DCAF13: variants seen among roughly 807,000 people sequenced by gnomAD.
DCAF13 encodes DDB1- and CUL4-associated factor 13.
Under a neutral mutation model 59.0 loss-of-function variants are expected in DCAF13, and 38 were observed. That is an observed-to-expected ratio of 0.64 (90% CI 0.50 to 0.84). DCAF13 has a LOEUF of 0.84. DCAF13 is among the 40% of genes least tolerant of loss of function. The pLI is 0.00. For synonymous variants in DCAF13, 173 were observed against 175.0 expected (o/e 0.99, Z 0.09); for missense variants, 469 against 558.4 (o/e 0.84, Z 1.61).
chr8:103,424,292 G>T (rs1345906310), intron 3 of DCAF13, among the ~76,000 whole-genome samples: 1 of 152,224 alleles, frequency 6.6e-6, no homozygotes, highest in Non-Finnish European at 1.5e-5. Flanking sequence ...CTCTGAAAGT[G>T]CTGGGATTAC....
chr8:103,426,755 C>T (rs1275383882), intron 4 of DCAF13, among the ~76,000 whole-genome samples: 4 of 151,838 alleles, frequency 2.6e-5, no homozygotes, highest in East Asian at 1.9e-4. Context: ...ATCACTTTGT[C>T]GTTTCAATAT....
rs947088825 is a variant in DCAF13 at position 103,427,431 on chromosome 8, A to C, written c.624+179A>C. ...TTGCTCAAATCCCAACATGTTTCCC[A>C]GCAGTTTAGTCCCAGATACTAGAGT... On this transcript the variant is annotated intron_variant, in intron 5 of 10. Coordinates refer to ENST00000612750, the MANE Select transcript of DCAF13 (RefSeq NM_015420.7). 4.5e-5 allele frequency: 28 copies of C among 618,938 alleles called. No individual in the cohort carries two copies. In the African/African-American group the frequency reaches 5.0e-4, roughly 11 times the overall value. 38.3% of individuals were successfully genotyped at this position (618,938 alleles called of 1,614,324 possible).
At chr8:103,423,371 A>G (rs997811199) in intron 3 of DCAF13, among the ~76,000 whole-genome samples, 3 of 152,212 alleles carry the variant, frequency 2.0e-5, no homozygotes, top group African/African-American at 7.2e-5. Context: ...AATACTATTC[A>G]GCCTTCAGAA....
At chr8:103,440,356 A>G in intron 9 of DCAF13, 85 bp downstream of exon 9, 1 of 1,237,382 alleles carries the variant, frequency 8.1e-7, no homozygotes, top group Admixed American at 2.7e-5. Context: ...ACTTTTAGGT[A>G]TTTTTGGGTA....
chr8:103,417,594 A>G (rs933925664), intron 1 of DCAF13, among the ~76,000 whole-genome samples: 1 of 147,028 alleles, frequency 6.8e-6, no homozygotes, highest in Non-Finnish European at 1.5e-5. Context: ...GTGAGCCGAG[A>G]TTGCGTCACT....
intron 6 of DCAF13, among the ~76,000 whole-genome samples, chr8:103,432,253 C>T (rs556239307): frequency 6.6e-6 from 1 of 152,260 alleles, no homozygotes; most frequent in African/African-American, 2.4e-5. Context: ...ACAGTGTTCC[C>T]ATTGAGAAAC....
intron 7 of DCAF13, among the ~76,000 whole-genome samples, chr8:103,435,279 A>G (rs139057671): frequency 6.6e-6 from 1 of 152,134 alleles, no homozygotes; most frequent in Non-Finnish European, 1.5e-5. Context: ...TTTAAATAGT[A>G]TGGTGAAAAA....
At chr8:103,425,559 CTT>C (rs138978000) in intron 3 of DCAF13, among the ~76,000 whole-genome samples, 1,682 of 152,286 alleles carry the variant, frequency 0.011, 32 homozygotes, top group African/African-American at 0.038. Context: ...AAACCACTGA[CTT>C]AGTAGTTTCT....
At chr8:103,417,886 G>T (rs980653682) in intron 1 of DCAF13, among the ~76,000 whole-genome samples, 79 of 152,066 alleles carry the variant, frequency 5.2e-4, no homozygotes, top group African/African-American at 1.9e-3. Context: ...TTGGGAGGCC[G>T]AGGCGGGAAG....
Position 103,441,625 on chromosome 8 carries a change from T to G in DCAF13, c.1250+7T>G. On this transcript the variant is annotated splice_region_variant and intron_variant, in intron 10 of 10. Coordinates refer to ENST00000612750, the MANE Select transcript of DCAF13 (RefSeq NM_015420.7). ...AAGAAGCTCGTCGACGAAAGTATGT[T>G]TTGAGGCATTTGACTCTATTACCCT... 6.2e-7 allele frequency: 1 copy of G among 1,609,686 alleles called. No homozygotes were observed. The highest frequency in any genetic ancestry group is 8.5e-7 in the Non-Finnish European group (1 of 1,178,902).
At chr8:103,430,472 G>A (rs1816848863) in intron 5 of DCAF13, 140 bp from the exon 6 acceptor site, 1 of 535,226 alleles carries the variant, frequency 1.9e-6, no homozygotes, top group South Asian at 3.1e-5. Context: ...TGAGATTATG[G>A]ATGATTTATT....
chr8:103,419,732 C>T (rs181485009), intron 1 of DCAF13, among the ~76,000 whole-genome samples: 2 of 152,242 alleles, frequency 1.3e-5, no homozygotes, highest in African/African-American at 2.4e-5. Context: ...AAAGGGAGGC[C>T]GGGCACGGTG....
chr8:103,424,540 G>C (rs1816764398), intron 3 of DCAF13, among the ~76,000 whole-genome samples: 1 of 152,176 alleles, frequency 6.6e-6, no homozygotes, highest in Non-Finnish European at 1.5e-5. Context: ...AGATGTTCTA[G>C]CCAGGCACAT....
intron 6 of DCAF13, among the ~76,000 whole-genome samples, chr8:103,432,161 T>G (rs1816873688): frequency 6.6e-6 from 1 of 152,130 alleles, no homozygotes; most frequent in African/African-American, 2.4e-5. Flanking sequence ...AAGAGGGACA[T>G]GTAGTGGGAG....
chr8:103,440,309 A>T, intron 9 of DCAF13, 38 bp downstream of exon 9: 1 of 1,488,458 alleles, frequency 6.7e-7, no homozygotes, highest in Non-Finnish European at 8.9e-7. Flanking sequence ...CATAAAGCTG[A>T]TTTCTAATTT....
chr8:103,434,093 C>T (rs1306558031), intron 7 of DCAF13, among the ~76,000 whole-genome samples: 1 of 152,062 alleles, frequency 6.6e-6, no homozygotes, highest in Admixed American at 6.6e-5. Flanking sequence ...CATAATTGCT[C>T]TTTGAAAATG....
intron 1 of DCAF13, among the ~76,000 whole-genome samples, chr8:103,418,718 T>C (rs1275247533): frequency 6.7e-6 from 1 of 148,498 alleles, no homozygotes; most frequent in Non-Finnish European, 1.5e-5. Flanking sequence ...TACCAGGGAG[T>C]CAGAAAGAAA....
At chr8:103,437,127 G>C (rs1816944481) in intron 8 of DCAF13, among the ~76,000 whole-genome samples, 1 of 152,136 alleles carries the variant, frequency 6.6e-6, no homozygotes, top group Non-Finnish European at 1.5e-5. Flanking sequence ...GTTCCTATGT[G>C]ACTATTGCTT....
intron 3 of DCAF13, among the ~76,000 whole-genome samples, chr8:103,424,368 GAC>G (rs1230964116): frequency 6.6e-6 from 1 of 152,196 alleles, no homozygotes; most frequent in Non-Finnish European, 1.5e-5. Flanking sequence ...TCAGAGATAA[GAC>G]ACATGTGAAG....
Sources: gnomAD v4.1 joint callset for allele counts (sites outside exome capture counted in the v4.1 genomes callset) on GRCh38, gnomAD v4.1.1 for gene constraint, MANE v1.5 for transcripts, NCBI Gene and HGNC (gene_info 2026-07-23, HGNC 2026-07-21) for gene names.